The following KHDRBS2 variants were observed in gnomAD, a reference collection of about 807,000 sequenced individuals.
KHDRBS2 encodes the protein KH RNA binding domain containing, signal transduction associated 2, also known as KH domain-containing, RNA-binding, signal transduction-associated protein 2.
In KHDRBS2, 26 loss-of-function variants were observed where a neutral mutation model predicts 44.3. The ratio of observed to expected loss-of-function variants is 0.59; its 90% CI spans 0.43 to 0.81. The LOEUF (loss-of-function observed/expected upper bound fraction) is 0.81. Among genes scored for constraint, KHDRBS2 ranks in the 40% least tolerant of loss-of-function variants. The pLI, the probability that KHDRBS2 is intolerant of heterozygous loss-of-function variation, is 0.00. For missense variants in KHDRBS2, 476 were observed against 433.1 expected (o/e 1.10, Z -0.88); for synonymous variants, 194 against 151.1 (o/e 1.28, Z -2.08).
chr6:61,695,199 G>T (rs189957991), intron 8 of KHDRBS2, among the ~76,000 whole-genome samples: 256 of 149,698 alleles, frequency 1.7e-3, no homozygotes, highest in South Asian at 2.4e-3. Flanking sequence ...CAAGTCTACT[G>T]AACCCTGCTC....
At chr6:61,749,903 G>A (rs896440797) in intron 6 of KHDRBS2, among the ~76,000 whole-genome samples, 2 of 152,126 alleles carry the variant, frequency 1.3e-5, no homozygotes, top group Non-Finnish European at 2.9e-5. Context: ...TTAAAAGACT[G>A]TTATTTTAAA....
At chr6:61,907,212 A>G (rs764567602) in intron 4 of KHDRBS2, among the ~76,000 whole-genome samples, 4 of 152,152 alleles carry the variant, frequency 2.6e-5, no homozygotes, top group Admixed American at 6.5e-5. Context: ...TCTTTTGAGA[A>G]ATGCTTATTC....
rs777332095 is a variant in KHDRBS2 at position 61,894,774 on chromosome 6, C to G, written c.671G>C (p.Arg224Pro). The G allele has an allele frequency of 6.2e-7, 1 of 1,613,234 alleles. No individual in the cohort carries two copies. The highest frequency in any genetic ancestry group is 8.5e-7 in the Non-Finnish European group (1 of 1,179,710). Residue 224 changes from arginine (R) to proline (P), a missense_variant, in exon 6 of 9, where the codon CGG becomes CCG. Transcript: ENST00000281156. Reference protein sequence around the residue: ...PPPGRGVLTPRGSTVTRGALP... With the variant: ...PPPGRGVLTPPGSTVTRGALP... ...CGCTCCACGGGTTACAGTGCTTCCCCGAGGGGTGAGAACACCTCGTCCAGG... is the reference window on the plus strand; with the variant it reads ...CGCTCCACGGGTTACAGTGCTTCCCGGAGGGGTGAGAACACCTCGTCCAGG...
At chr6:61,793,466 T>C (rs770871223) in intron 6 of KHDRBS2, among the ~76,000 whole-genome samples, 1 of 152,054 alleles carries the variant, frequency 6.6e-6, no homozygotes, top group South Asian at 2.1e-4. Flanking sequence ...AATAAAAATA[T>C]AAACAGGAAC....
At chr6:61,900,926 T>C (rs1803869027) in intron 5 of KHDRBS2, among the ~76,000 whole-genome samples, 1 of 152,186 alleles carries the variant, frequency 6.6e-6, no homozygotes, top group Non-Finnish European at 1.5e-5. Context: ...CCTTATTTTC[T>C]AGAGGTAGTT....
chr6:62,201,961 T>A (rs559196010), intron 1 of KHDRBS2, among the ~76,000 whole-genome samples: 1 of 152,162 alleles, frequency 6.6e-6, no homozygotes, highest in East Asian at 1.9e-4. Flanking sequence ...TATGTAAAAA[T>A]TATCTATAAA....
intron 6 of KHDRBS2, among the ~76,000 whole-genome samples, chr6:61,846,478 T>A (rs1794421841): frequency 6.6e-6 from 1 of 152,194 alleles, no homozygotes; most frequent in South Asian, 2.1e-4. Context: ...GGTGTCTATA[T>A]GTTGAGAATA....
chr6:62,028,677 A>G (rs2127289449), intron 3 of KHDRBS2, among the ~76,000 whole-genome samples: 1 of 152,230 alleles, frequency 6.6e-6, no homozygotes, highest in Middle Eastern at 3.4e-3. Flanking sequence ...GTTTTTATAC[A>G]AGAACATGTT....
At chr6:62,006,536 AC>A (rs767921955) in intron 3 of KHDRBS2, among the ~76,000 whole-genome samples, 5 of 152,004 alleles carry the variant, frequency 3.3e-5, no homozygotes, top group Non-Finnish European at 7.4e-5. Flanking sequence ...TAACAACTAA[AC>A]ATGGCTTAGA....
chr6:61,947,532 C>T (rs1279005171), intron 4 of KHDRBS2, among the ~76,000 whole-genome samples: 1 of 151,894 alleles, frequency 6.6e-6, no homozygotes, highest in Non-Finnish European at 1.5e-5. Flanking sequence ...AGTGGAAGGG[C>T]TAAGGGGAAA....
At chr6:62,004,363 T>C (rs1778831377) in intron 3 of KHDRBS2, among the ~76,000 whole-genome samples, 1 of 152,036 alleles carries the variant, frequency 6.6e-6, no homozygotes, top group Admixed American at 6.6e-5. Context: ...CATCAGATAA[T>C]ACTATAAACA....
chr6:61,861,008 T>G (rs764737169), intron 6 of KHDRBS2, among the ~76,000 whole-genome samples: 14 of 152,090 alleles, frequency 9.2e-5, no homozygotes, highest in Admixed American at 2.0e-4. Context: ...GTTGTCTGCA[T>G]GTATGTCTTG....
intron 6 of KHDRBS2, among the ~76,000 whole-genome samples, chr6:61,838,871 G>GC (rs547259414): frequency 7.2e-4 from 109 of 152,036 alleles, no homozygotes; most frequent in African/African-American, 2.4e-3. Context: ...CGCTTGTTTT[G>GC]CAAGTTTAAA....
At chr6:62,023,908 A>G (rs887176223) in intron 3 of KHDRBS2, among the ~76,000 whole-genome samples, 1 of 151,206 alleles carries the variant, frequency 6.6e-6, no homozygotes, top group Non-Finnish European at 1.5e-5. Context: ...CTAATAATAC[A>G]TATTATTTAA....
At chr6:62,199,539 A>C (rs184801591) in intron 1 of KHDRBS2, among the ~76,000 whole-genome samples, 1,701 of 152,258 alleles carry the variant, frequency 0.011, 33 homozygotes, top group African/African-American at 0.039. Flanking sequence ...GATGTGAAAG[A>C]CCTCTTCAAG....
At chr6:61,550,369 G>A in the KHDRBS2 span, among the ~76,000 whole-genome samples, 2 of 152,144 alleles carry the variant, frequency 1.3e-5, no homozygotes, top group East Asian at 1.9e-4. Flanking sequence ...CAAAGGGCAT[G>A]ATCTCATTTT....
chr6:61,716,666 C>T (rs1181095310), intron 7 of KHDRBS2, among the ~76,000 whole-genome samples: 2 of 151,998 alleles, frequency 1.3e-5, no homozygotes, highest in East Asian at 1.9e-4. Context: ...TCTACCACTC[C>T]TTATTGCATA....
intron 2 of KHDRBS2, among the ~76,000 whole-genome samples, chr6:62,120,470 G>T (rs566247185): frequency 3.9e-5 from 6 of 152,250 alleles, no homozygotes; most frequent in South Asian, 4.1e-4. Context: ...AAATTTAAAA[G>T]CAATGGGAAT....
At chr6:61,987,164 C>T (rs1775203657) in intron 3 of KHDRBS2, among the ~76,000 whole-genome samples, 1 of 152,120 alleles carries the variant, frequency 6.6e-6, no homozygotes, top group Admixed American at 6.5e-5. Flanking sequence ...TTTCAGCCTT[C>T]GAATTCCTCA....
Sources: gnomAD v4.1 joint callset for allele counts (sites outside exome capture counted in the v4.1 genomes callset) on GRCh38, gnomAD v4.1.1 for gene constraint, MANE v1.5 for transcripts, NCBI Gene and HGNC (gene_info 2026-07-23, HGNC 2026-07-21) for gene names.